STUB1: variants seen among roughly 807,000 people sequenced by gnomAD.
STUB1 encodes the protein E3 ubiquitin-protein ligase CHIP.
Under a neutral mutation model 40.3 loss-of-function variants are expected in STUB1, and 37 were observed. The ratio of observed to expected loss-of-function variants is 0.92; its 90% confidence interval spans 0.71 to 1.21. STUB1 has a LOEUF of 1.21. Ranked by LOEUF, STUB1 falls within the 50% of genes most tolerant of loss-of-function variation. The pLI is 0.00. For missense variants in STUB1, 460 were observed against 421.9 expected (o/e 1.09, Z -0.79); for synonymous variants, 246 against 171.9 (o/e 1.43, Z -3.37).
At position 682,046 on chromosome 16, in the gene STUB1, G is replaced by A. The variant is rs751512844; in HGVS notation, c.639G>A (p.Glu213=). 4.4e-6 allele frequency: 7 copies of A among 1,588,504 alleles called. No individual in the cohort carries two copies. The highest frequency in any genetic ancestry group is 1.3e-5 in the African/African-American group (1 of 74,516). Residue 213 remains glutamate (E), a synonymous_variant, in exon 5 of 7, where the codon GAG becomes GAA. Coordinates refer to ENST00000219548, the MANE Select transcript of STUB1 (RefSeq NM_005861.4). ...ACAAGTACATGGCGGACATGGACGA[G>A]CTTTTTTCTCAGGTGGATGAGAAGA... ...KHDKYMADMD[E]LFSQVDEKRK... is the part of the protein sequence containing the mutation.
rs774000567 is a variant in STUB1 at position 682,196 on chromosome 16, A to G, written c.701A>G (p.Lys234Arg). The change falls in exon 6 of 7, where the codon AAG becomes AGG. Residue 234 changes from lysine to arginine, a missense_variant. Lys to Arg is a conservative substitution (Grantham distance 26). Coordinates refer to ENST00000219548, the MANE Select transcript of STUB1 (RefSeq NM_005861.4). ...GACATCCCCGACTACCTGTGTGGCA[A>G]GATCAGCTTTGAGCTGATGCGGGAG... ...KRDIPDYLCG[K>R]ISFELMREPC... 8 of 1,610,926 alleles carry G rather than the reference A, an allele frequency of 5.0e-6. No individual in the cohort carries two copies. The highest frequency in any genetic ancestry group is 3.3e-5 in the South Asian group (3 of 91,060).
Position 681,599 on chromosome 16 carries a change from G to A in STUB1, c.520G>A (p.Glu174Lys). 6.2e-7 allele frequency: 1 copy of A among 1,607,162 alleles called. No homozygotes were observed. Among genetic ancestry groups the A allele is most frequent in the Non-Finnish European group, 8.5e-7 (1 of 1,177,014 alleles). ...YLSRLIAAER[E>K]RELEECQRNH... ...CTCCAGGCTCATTGCCGCGGAGCGTGAGAGGTGGGACCCTCACCCCAGGCC... is the reference window on the plus strand; with the variant it reads ...CTCCAGGCTCATTGCCGCGGAGCGTAAGAGGTGGGACCCTCACCCCAGGCC... Residue 174 changes from glutamate (E) to lysine (K), a missense_variant, in exon 3 of 7, where the codon GAG (glutamate) becomes AAG (lysine). By Grantham distance (56) the Glu-to-Lys change is moderately conservative (BLOSUM62 1). Coordinates refer to ENST00000219548, the MANE Select transcript of STUB1 (RefSeq NM_005861.4).
chr16:681,765 C>T lies in STUB1; in HGVS notation c.525-28C>T, dbSNP rs527482435. The stretch of plus-strand genomic sequence containing the variant: ...TGGTCAGACATCTGGCCAGGTCCAT[C>T]TCTGACCGGCTCCTGGTCAACCCCC... On this transcript the variant is annotated intron_variant, in intron 3 of 6. Transcript: ENST00000219548. 6.7e-5 allele frequency: 105 copies of T among 1,576,264 alleles called. 3 individuals carry two copies. The South Asian group carries it at 1.2e-3, about 18-fold the overall frequency.
rs1429029063 is a variant in STUB1 at position 682,273 on chromosome 16, C to T, written c.778C>T (p.His260Tyr). The T allele has an allele frequency of 1.3e-6, 2 of 1,586,400 alleles. No individual in the cohort carries two copies. Among genetic ancestry groups the T allele is most frequent in the Non-Finnish European group, 1.7e-6 (2 of 1,174,018 alleles). ...CTACGACCGCAAGGACATCGAGGAG[C>T]ACCTGCAGGTGAGGCCTGCGGCTGG... ...ITYDRKDIEE[H>Y]LQRVGHFDPV... Residue 260 changes from histidine to tyrosine, a missense_variant, in exon 6 of 7, where the codon CAC becomes TAC. Transcript: ENST00000219548.
intron 1 of STUB1, 34 bp from the exon 2 acceptor site, chr16:681,118 G>A (rs1567279498): frequency 1.3e-6 from 2 of 1,535,984 alleles, no homozygotes; most frequent in Non-Finnish European, 8.8e-7. Flanking sequence ...CTGAGCCTAC[G>A]CCCTCATGCG....
In STUB1 at chr16:682,797, G is replaced by A. The variant is rs947927712; in HGVS notation, c.*308G>A. 19 of 1,612,854 alleles carry A rather than the reference G, an allele frequency of 1.2e-5. No homozygotes were observed. Among genetic ancestry groups the A allele is most frequent in the Non-Finnish European group, 1.5e-5 (18 of 1,179,852 alleles). On this transcript the variant is annotated 3_prime_UTR_variant, in exon 7 of 7. Transcript: ENST00000219548. ...GCAGTCCTGCCAGCTGTTTTGGCTAGCCGAGGAAGGTGGAGATGAAGACGC... is the reference window on the plus strand; with the variant it reads ...GCAGTCCTGCCAGCTGTTTTGGCTAACCGAGGAAGGTGGAGATGAAGACGC...
At chr16:681,755 C>T (rs370426935) in intron 3 of STUB1, 38 bp from the exon 4 acceptor site, 1 of 1,567,534 alleles carries the variant, frequency 6.4e-7, no homozygotes, top group Non-Finnish European at 8.7e-7. Context: ...AGACATCTGG[C>T]CAGGTCCATC....
At position 682,435 on chromosome 16, in the gene STUB1, G is replaced by C; in HGVS notation, c.858G>C (p.Met286Ile). ...AACAGCTCATCCCCAACTTGGCTAT[G>C]AAGGAGGTTATTGACGCATTCATCT... ...TQEQLIPNLA[M>I]KEVIDAFISE... The change falls in exon 7 of 7, where the codon ATG becomes ATC. Residue 286 changes from methionine to isoleucine, a missense_variant. Physicochemically the swap from Met to Ile is conservative, Grantham distance 10. Transcript: ENST00000219548. 6.2e-7 allele frequency: 1 copy of C among 1,613,482 alleles called. No individual in the cohort carries two copies. Among genetic ancestry groups the C allele is most frequent in the Admixed American group, 1.7e-5 (1 of 60,034 alleles).
At position 681,772 on chromosome 16, in the gene STUB1, C is replaced by T. The variant is rs745332729; in HGVS notation, c.525-21C>T. The T allele has an allele frequency of 1.2e-4, 191 of 1,579,648 alleles. 1 individual carries two copies. The South Asian group carries it at 1.9e-3, about 15-fold the overall frequency. On this transcript the variant is annotated intron_variant, in intron 3 of 6. Transcript: ENST00000219548. ...ACATCTGGCCAGGTCCATCTCTGAC[C>T]GGCTCCTGGTCAACCCCCAGGGAGC...
chr16:681,850 G>C lies in STUB1; in HGVS notation c.582G>C (p.Arg194=), dbSNP rs778762773. 6.2e-7 allele frequency: 1 copy of C among 1,611,914 alleles called. No individual in the cohort carries two copies. The highest frequency in any genetic ancestry group is 1.3e-5 in the African/African-American group (1 of 74,938). The stretch of plus-strand genomic sequence containing the variant: ...GTGATGAGGACGACAGCCACGTCCG[G>C]GCCCAGCAGGCCTGCATTGAGGCCA... ...HEGDEDDSHV[R]AQQACIEAKH... The change falls in exon 4 of 7, where the codon CGG becomes CGC. Residue 194 remains arginine (R), a synonymous_variant. Transcript: ENST00000219548.
rs1417503643 is a variant in STUB1, at chr16:682,647, G to T, written c.*158G>T. 1.4e-6 allele frequency: 2 copies of T among 1,413,214 alleles called. No homozygotes were observed. The highest frequency in any genetic ancestry group is 1.9e-6 in the Non-Finnish European group (2 of 1,033,534). The allele number at this position is 1,413,214 out of a possible 1,614,324, so 87.5% of individuals were successfully genotyped here. On this transcript the variant is annotated 3_prime_UTR_variant, in exon 7 of 7. Coordinates refer to ENST00000219548, the MANE Select transcript of STUB1 (RefSeq NM_005861.4). ...CCCCTCTCAGCATCGCTTTTGCTGG[G>T]CCGTGATCGTCCCCCTTTGTGGGCT...
Position 681,820 on chromosome 16 carries a change from C to T in STUB1, c.552C>T (p.His184=), listed in dbSNP as rs778709890. 1.0e-5 allele frequency: 16 copies of T among 1,606,850 alleles called. No homozygotes were observed. The highest frequency in any genetic ancestry group is 5.5e-5 in the South Asian group (5 of 90,744). Residue 184 remains histidine, a synonymous_variant, in exon 4 of 7, where the codon CAC becomes CAT. Transcript: ENST00000219548. ...AGCTGGAAGAGTGCCAGCGAAACCA[C>T]GAGGGTGATGAGGACGACAGCCACG... ...ERELEECQRN[H]EGDEDDSHVR...
intron 5 of STUB1, 29 bp downstream of exon 5, chr16:682,105 C>A: frequency 6.3e-7 from 1 of 1,582,032 alleles, no homozygotes. Flanking sequence ...CTGCCGATGG[C>A]TGGCAGGTGC....
At position 682,515 on chromosome 16, in the gene STUB1, G is replaced by T; in HGVS notation, c.*26G>T. The T allele has an allele frequency of 6.2e-7, 1 of 1,612,508 alleles. No homozygotes were observed. Among genetic ancestry groups the T allele is most frequent in the Non-Finnish European group, 8.5e-7 (1 of 1,179,670 alleles). On this transcript the variant is annotated 3_prime_UTR_variant, in exon 7 of 7. Transcript: ENST00000219548. Reference sequence around the variant, plus strand: ...GGTTCCCTGCCCTACCTGGCGTCCTGGTCCAGGGGAGCCCTGGGCAGAAGC... The same window carrying T: ...GGTTCCCTGCCCTACCTGGCGTCCTTGTCCAGGGGAGCCCTGGGCAGAAGC...
In STUB1 at chr16:682,165, A is replaced by G; in HGVS notation, c.670A>G (p.Lys224Glu). The change falls in exon 6 of 7, where the codon AAG becomes GAG. Residue 224 changes from lysine (K) to glutamate (E), a missense_variant and splice_region_variant. Transcript: ENST00000219548. ...CTGACCGTGTGCCCCTGTGCCACAG[A>G]AGCGAGACATCCCCGACTACCTGTG... is the stretch of plus-strand genomic sequence containing the variant. Reference protein sequence around the residue: ...LFSQVDEKRKKRDIPDYLCGK... With the variant: ...LFSQVDEKRKERDIPDYLCGK... 6.2e-7 allele frequency: 1 copy of G among 1,604,518 alleles called. No individual in the cohort carries two copies. The highest frequency in any genetic ancestry group is 8.5e-7 in the Non-Finnish European group (1 of 1,172,362).
chr16:682,281 G>C lies in STUB1; in HGVS notation c.786G>C (p.Gln262His). 5.7e-6 allele frequency: 9 copies of C among 1,569,096 alleles called. No individual in the cohort carries two copies. The highest frequency in any genetic ancestry group is 7.7e-6 in the Non-Finnish European group (9 of 1,168,182). ...YDRKDIEEHL[Q>H]RVGHFDPVTR... The stretch of plus-strand genomic sequence containing the variant: ...GCAAGGACATCGAGGAGCACCTGCA[G>C]GTGAGGCCTGCGGCTGGGGGAGCAG... Residue 262 changes from glutamine to histidine, a missense_variant and splice_region_variant, in exon 6 of 7, where the codon CAG becomes CAC. Physicochemically the swap from Gln to His is conservative, Grantham distance 24. Transcript: ENST00000219548.
chr16:681,931 G>A (rs1335559782), intron 4 of STUB1, 51 bp downstream of exon 4: 9 of 1,612,764 alleles, frequency 5.6e-6, no homozygotes, highest in Non-Finnish European at 5.9e-6. Context: ...CACGTGGCGT[G>A]GGAGCATCCC....
At chr16:681,916 G>T (rs1440941659) in intron 4 of STUB1, 36 bp downstream of exon 4, 1 of 1,612,892 alleles carries the variant, frequency 6.2e-7, no homozygotes, top group Non-Finnish European at 8.5e-7. Flanking sequence ...GGGTCTGTGT[G>T]TGTGCACGTG....
Position 682,744 on chromosome 16 carries a change from C to T in STUB1, c.*255C>T, listed in dbSNP as rs765896905. ...ATCTGTGTAATAAAATCCGTGAGCA[C>T]GAGGTGGGACGTGCTGGTGTGTGAC... is the stretch of plus-strand genomic sequence containing the variant. On this transcript the variant is annotated 3_prime_UTR_variant, in exon 7 of 7. Coordinates refer to ENST00000219548, the MANE Select transcript of STUB1 (RefSeq NM_005861.4). 49 of 1,592,826 alleles carry T rather than the reference C, an allele frequency of 3.1e-5. No homozygotes were observed. The highest frequency in any genetic ancestry group is 8.9e-5 in the South Asian group (8 of 89,598).
Sources: allele counts gnomAD v4.1 joint callset, GRCh38; gene constraint gnomAD v4.1.1; transcripts MANE v1.5; gene names NCBI Gene and HGNC (gene_info 2026-07-23, HGNC 2026-07-21).